The following PDILT variants were observed in gnomAD, a reference collection of about 807,000 sequenced individuals.
The protein encoded by PDILT is protein disulfide isomerase like, testis expressed.
A neutral mutation model predicts 53.7 loss-of-function variants in PDILT; 43 were observed. The ratio of observed to expected loss-of-function variants is 0.80; its 90% confidence interval spans 0.63 to 1.03. PDILT has a LOEUF of 1.03. PDILT is among the 50% of genes least tolerant of loss of function. The probability of loss-of-function intolerance (pLI) is 0.00; values close to 1 mark genes in which losing one functional copy is unlikely to be tolerated. For synonymous variants in PDILT, 282 were observed against 274.2 expected, an observed-to-expected ratio of 1.03 and a Z score of -0.28; for missense variants, 727 against 712.3, an observed-to-expected ratio of 1.02 and a Z score of -0.24.
At chr16:20,388,601 G>A (rs1008211068) in intron 2 of PDILT, among the ~76,000 whole-genome samples, 2 of 152,150 alleles carry the variant, frequency 1.3e-5, no homozygotes, top group Admixed American at 6.5e-5. Flanking sequence ...CGATTTTCTG[G>A]CTTCTTTCTT....
At chr16:20,391,900 A>G (rs1037524433) in intron 2 of PDILT, among the ~76,000 whole-genome samples, 1 of 151,654 alleles carries the variant, frequency 6.6e-6, no homozygotes, top group Admixed American at 6.6e-5. Context: ...GAAGGATACT[A>G]TGGAAGCTGC....
chr16:20,390,716 A>T (rs369344866), intron 2 of PDILT: 2 of 152,208 alleles, frequency 1.3e-5, no homozygotes, highest in South Asian at 2.1e-4. Flanking sequence ...TACTGAAGGA[A>T]TGAAGTTTCC....
intron 2 of PDILT, among the ~76,000 whole-genome samples, chr16:20,393,559 CA>C (rs1373004882): frequency 1.3e-5 from 2 of 152,204 alleles, no homozygotes; most frequent in Non-Finnish European, 2.9e-5. Flanking sequence ...CATAACCTAG[CA>C]GGGGAGGCAC....
Position 20,362,451 on chromosome 16 carries a change from G to A in PDILT, c.1369C>T (p.Leu457=). The change falls in exon 10 of 12, where the codon CTG becomes TTG. Residue 457 remains leucine (L), a synonymous_variant. Transcript: ENST00000302451. ...VTANDIQLMY[L]DRYPFFRLFP... ...AGCCTGAAGAATGGGTACCGGTCCA[G>A]GTACATCAGCTGAATGTCATTTGCT... 1 of 1,614,178 alleles carries A rather than the reference G, an allele frequency of 6.2e-7. No homozygotes were observed.
intron 2 of PDILT, among the ~76,000 whole-genome samples, chr16:20,393,182 T>C (rs1966626173): frequency 6.6e-6 from 1 of 152,144 alleles, no homozygotes; most frequent in Non-Finnish European, 1.5e-5. Flanking sequence ...CACCATGAAA[T>C]AGATGCACAA....
In PDILT at chr16:20,366,932, A is replaced by ATACT. The variant is rs1265413294; in HGVS notation, c.1117-1393_1117-1392insAGTA. 2.0e-3 allele frequency among the ~76,000 whole-genome samples: 280 copies of ATACT among 138,072 alleles called. 6 individuals are homozygous for ATACT. The highest frequency in any genetic ancestry group is 7.4e-3 in the African/African-American group (265 of 35,752). 90.6% of individuals were successfully genotyped at this position (138,072 alleles called of 152,430 possible). A position where few individuals can be genotyped will look rare whatever the true frequency, so the allele number is the denominator to read the frequency against. ...TCTCTCATTGCTCTTAGGAAACCAA[A>ATACT]TTCTTTCCTTCCTTCCTTCCTTCCT... On this transcript the variant is annotated intron_variant, in intron 8 of 11. Transcript: ENST00000302451.
At chr16:20,372,521 C>A (rs1237263279) in intron 7 of PDILT, among the ~76,000 whole-genome samples, 1 of 152,140 alleles carries the variant, frequency 6.6e-6, no homozygotes, top group South Asian at 2.1e-4. Flanking sequence ...AGCAGGCAAG[C>A]CTTCATGTTC....
At chr16:20,367,031 CTTTCTTTCTTTCTTTCT>C (rs1966211642) in intron 8 of PDILT, among the ~76,000 whole-genome samples, 4 of 10,084 alleles carry the variant, frequency 4.0e-4, no homozygotes, top group African/African-American at 1.2e-3. Context: ...TTTCTTCTTT[CTTTCTTTCTTTCTTTCT>C]TTCTTTCTTT....
At chr16:20,365,208 C>T (rs1243272661) in intron 9 of PDILT, among the ~76,000 whole-genome samples, 1 of 152,198 alleles carries the variant, frequency 6.6e-6, no homozygotes, top group Non-Finnish European at 1.5e-5. Context: ...ATGTGGAAGG[C>T]ATTGCATACA....
At chr16:20,395,756 C>T (rs575397749) in intron 2 of PDILT, among the ~76,000 whole-genome samples, 1 of 152,296 alleles carries the variant, frequency 6.6e-6, no homozygotes, top group East Asian at 1.9e-4. Context: ...AGTTCTCACT[C>T]TATTAGTTTC....
chr16:20,365,621 A>G lies in PDILT; in HGVS notation c.1117-81T>C, dbSNP rs1193637370. 5.9e-5 allele frequency: 90 copies of G among 1,513,840 alleles called. 1 individual carries two copies. The South Asian group carries it at 1.1e-3, about 18-fold the overall frequency. The allele number at this position is 1,513,840 out of a possible 1,614,324, so 93.8% of individuals were successfully genotyped here. A position where few individuals can be genotyped will look rare whatever the true frequency, so the allele number is the denominator to read the frequency against. On this transcript the variant is annotated intron_variant, in intron 8 of 11. Coordinates refer to ENST00000302451, the MANE Select transcript of PDILT (RefSeq NM_174924.2). ...GGGCTCCCCACCTTGATTGGAAACC[A>G]CTAAAGGTTTTCTCGTGTTTTTTTC...
chr16:20,372,742 G>A (rs1053207632), intron 7 of PDILT, 60 bp downstream of exon 7: 1 of 1,580,396 alleles, frequency 6.3e-7, no homozygotes, highest in Non-Finnish European at 8.6e-7. Flanking sequence ...TGGGCTCAGG[G>A]TCTGCAGGTC....
intron 8 of PDILT, among the ~76,000 whole-genome samples, chr16:20,367,023 TC>T (rs1966209563): frequency 6.9e-6 from 1 of 145,816 alleles, no homozygotes; most frequent in African/African-American, 2.6e-5. Context: ...TCTCTCTCTT[TC>T]TTCTTTCTTT....
chr16:20,376,259 G>C, intron 3 of PDILT, 58 bp from the exon 4 acceptor site: 1 of 1,596,326 alleles, frequency 6.3e-7, no homozygotes, highest in Admixed American at 1.7e-5. Context: ...ACCAAAGCAA[G>C]AAGCTGGTCT....
chr16:20,377,198 G>T (rs1596587424), intron 3 of PDILT, among the ~76,000 whole-genome samples: 1 of 152,260 alleles, frequency 6.6e-6, no homozygotes, highest in East Asian at 1.9e-4. Flanking sequence ...TGAGGCAGAA[G>T]GATTGCTTGA....
At chr16:20,364,203 C>A (rs1966156526) in intron 9 of PDILT, among the ~76,000 whole-genome samples, 1 of 152,202 alleles carries the variant, frequency 6.6e-6, no homozygotes, top group African/African-American at 2.4e-5. Flanking sequence ...ATGAAATGGA[C>A]AGTCTTACAA....
chr16:20,359,694 G>C, intron 11 of PDILT, 127 bp from the exon 12 acceptor site: 2 of 951,804 alleles, frequency 2.1e-6, no homozygotes, highest in Non-Finnish European at 3.1e-6. Context: ...AGTGCCCAGA[G>C]AGAATCAGTC....
intron 3 of PDILT, among the ~76,000 whole-genome samples, chr16:20,380,298 C>T (rs1432503116): frequency 3.3e-5 from 5 of 152,054 alleles, no homozygotes; most frequent in Admixed American, 3.3e-4. Context: ...CACTCTCTGT[C>T]TTATGACCTG....
At chr16:20,388,633 C>T (rs750485187) in intron 2 of PDILT, among the ~76,000 whole-genome samples, 12 of 152,182 alleles carry the variant, frequency 7.9e-5, no homozygotes, top group Admixed American at 2.6e-4. Flanking sequence ...TAAATTGGGC[C>T]AGGCGTGGTG....
Sources: gnomAD v4.1 joint callset for allele counts (sites outside exome capture counted in the v4.1 genomes callset) on GRCh38, gnomAD v4.1.1 for gene constraint, MANE v1.5 for transcripts, NCBI Gene and HGNC (gene_info 2026-07-23, HGNC 2026-07-21) for gene names.